The following EP400 variants were observed in gnomAD, a reference collection of about 807,000 sequenced individuals.
EP400 encodes E1A binding protein p400.
EP400 carries 105 observed loss-of-function variants against 354.1 expected under a neutral mutation model. The observed-to-expected ratio is 0.30, with a 90% CI of 0.25 to 0.35. The LOEUF (loss-of-function observed/expected upper bound fraction) is 0.35, where lower values mean the gene tolerates loss of function less well. EP400 is among the 10% of genes least tolerant of loss of function. EP400 has a pLI of 1.00. For synonymous variants in EP400, 1,646 were observed against 1,716.9 expected (o/e 0.96, Z 1.02); for missense variants, 3,280 against 4,121.0 (o/e 0.80, Z 5.59).
At chr12:132,011,468 A>T in intron 15 of EP400, 30 bp from the exon 16 acceptor site, 1 of 1,611,432 alleles carries the variant, frequency 6.2e-7, no homozygotes, top group Non-Finnish European at 8.5e-7. Context: ...AGATACTTTG[A>T]CGTGGAAAAT....
At chr12:132,021,343 G>C (rs2136542964) in intron 23 of EP400, 22 bp downstream of exon 23, 1 of 1,494,310 alleles carries the variant, frequency 6.7e-7, no homozygotes, top group East Asian at 2.5e-5. Flanking sequence ...CACCTTTCCA[G>C]GTTTCTGCCA....
At position 132,052,360 on chromosome 12, in the gene EP400, C is replaced by T. The variant is rs906481563; in HGVS notation, c.7395-786C>T. 6.6e-5 allele frequency among the ~76,000 whole-genome samples: 10 copies of T among 152,178 alleles called. No individual in the cohort carries two copies. The highest frequency in any genetic ancestry group is 1.4e-4 in the African/African-American group (6 of 41,444). ...AAGGAGTTGGCTCAGGGCCCATCTCCGCAAACCCCCAGGACTCCCTACTGC... is the reference window on the plus strand; with the variant it reads ...AAGGAGTTGGCTCAGGGCCCATCTCTGCAAACCCCCAGGACTCCCTACTGC... On this transcript the variant is annotated intron_variant, in intron 41 of 52. Transcript: ENST00000389561. This position sits in a 1 kb window ranked among gnomAD's most constrained non-coding sequence, Gnocchi z 4.4.
At chr12:132,076,412 C>A in intron 51 of EP400, 104 bp from the exon 52 acceptor site, 2 of 1,114,968 alleles carry the variant, frequency 1.8e-6, no homozygotes, top group Non-Finnish European at 2.7e-6. Flanking sequence ...GTCACCTGGT[C>A]ATTGTGTTTT....
chr12:131,996,390 T>C (rs111567635), intron 12 of EP400, among the ~76,000 whole-genome samples: 22,744 of 150,700 alleles, frequency 0.15, 2,491 homozygotes, highest in African/African-American at 0.31. Context: ...CTCCTGGGTT[T>C]ACGCCATTCT....
chr12:132,022,248 A>G (rs1369134489), intron 23 of EP400, among the ~76,000 whole-genome samples: 3 of 152,250 alleles, frequency 2.0e-5, no homozygotes, highest in Non-Finnish European at 4.4e-5. Context: ...TGGTTGCCAG[A>G]GGAGCTGTTC....
In EP400 at chr12:131,990,778, G is replaced by A; in HGVS notation, c.2629+64G>A. 8.0e-7 allele frequency: 1 copy of A among 1,257,476 alleles called. No homozygotes were observed. Among genetic ancestry groups the A allele is most frequent in the Non-Finnish European group, 1.1e-6 (1 of 876,016 alleles). The allele number at this position is 1,257,476 out of a possible 1,614,324, so 77.9% of individuals were successfully genotyped here. On this transcript the variant is annotated intron_variant, in intron 9 of 52. Coordinates refer to ENST00000389561, the MANE Select transcript of EP400 (RefSeq NM_015409.5). This position sits in a 1 kb window ranked among gnomAD's most constrained non-coding sequence, Gnocchi z 4.2. ...GTATTTTGTTCGGATTCTTTTCTCAGCAGGCAGTCTCCTGGCGCTGTGGCT... is the reference window on the plus strand; with the variant it reads ...GTATTTTGTTCGGATTCTTTTCTCAACAGGCAGTCTCCTGGCGCTGTGGCT...
intron 7 of EP400, among the ~76,000 whole-genome samples, 185 bp downstream of exon 7, chr12:131,988,075 C>T (rs1018495276): frequency 6.7e-6 from 1 of 148,630 alleles, no homozygotes; most frequent in East Asian, 2.0e-4. Flanking sequence ...TTTTTTGCCA[C>T]ATTACCCAGA....
At chr12:131,957,319 A>T (rs1341384945) in intron 1 of EP400, among the ~76,000 whole-genome samples, 1 of 151,798 alleles carries the variant, frequency 6.6e-6, no homozygotes, top group Non-Finnish European at 1.5e-5. Flanking sequence ...GATTTTGATG[A>T]TTTACTTTTT....
At chr12:131,967,138 G>C (rs1049144463) in intron 2 of EP400, among the ~76,000 whole-genome samples, 4 of 151,686 alleles carry the variant, frequency 2.6e-5, no homozygotes, top group Non-Finnish European at 5.9e-5. Context: ...CCAGCACTTT[G>C]GGAGGCCGAA....
chr12:132,037,851 G>C, intron 31 of EP400, 58 bp downstream of exon 31: 1 of 1,611,752 alleles, frequency 6.2e-7, no homozygotes, highest in Non-Finnish European at 8.5e-7. Flanking sequence ...GCGTGGAATC[G>C]CATGGTGTTA....
chr12:132,037,907 A>C, intron 31 of EP400, 46 bp from the exon 32 acceptor site: 1 of 1,613,214 alleles, frequency 6.2e-7, no homozygotes. Flanking sequence ...GGTCAGATGC[A>C]CACTTGGACC....
chr12:132,018,295 T>G lies in EP400; in HGVS notation c.4196T>G (p.Ile1399Arg). The G allele has an allele frequency of 5.0e-6, 8 of 1,613,694 alleles. No homozygotes were observed. The highest frequency in any genetic ancestry group is 6.8e-6 in the Non-Finnish European group (8 of 1,179,914). The change falls in exon 21 of 53, where the codon ATA becomes AGA. Residue 1399 changes from isoleucine to arginine, a missense_variant. Ile to Arg is a moderately conservative substitution (Grantham distance 97). Around this residue, in one of 20 missense-constraint regions of EP400, gnomAD observed 342 missense variants for 342.7 expected, o/e 1.00. Transcript: ENST00000389561. This position sits in a 1 kb window ranked among gnomAD's most constrained non-coding sequence, Gnocchi z 4.0. ...GCAGAGTTGCTGTCTAAGAAAAAGATACCGCGGAAACTCATGGAGGAAATC... is the reference window on the plus strand; with the variant it reads ...GCAGAGTTGCTGTCTAAGAAAAAGAGACCGCGGAAACTCATGGAGGAAATC... ...HEAELLSKKKIPRKLMEEIST... is the reference protein window; with the variant it reads ...HEAELLSKKKRPRKLMEEIST...
At position 132,055,280 on chromosome 12, in the gene EP400, C is replaced by T. The variant is rs117863638; in HGVS notation, c.7884+72C>T. ...GAAATTATTTGCTTGTCTGTTAATT[C>T]TTCTTCTTCTTTTTAAGTATTCCAT... On this transcript the variant is annotated intron_variant, in intron 45 of 52. Transcript: ENST00000389561. 11,501 of 1,221,818 alleles carry T rather than the reference C, an allele frequency of 9.4e-3. 326 individuals are homozygous for T. Among genetic ancestry groups the T allele is most frequent in the South Asian group, 0.081 (5,430 of 66,844 alleles). The allele number at this position is 1,221,818 out of a possible 1,614,324, so 75.7% of individuals were successfully genotyped here. A position where few individuals can be genotyped will look rare whatever the true frequency, so the allele number is the denominator to read the frequency against.
intron 27 of EP400, among the ~76,000 whole-genome samples, chr12:132,028,703 A>T (rs561165562): frequency 6.6e-6 from 1 of 152,358 alleles, no homozygotes. Context: ...TGGAGAGCAA[A>T]TCTGAGCACC....
chr12:132,031,864 A>G, intron 29 of EP400, 89 bp from the exon 30 acceptor site: 4 of 1,399,414 alleles, frequency 2.9e-6, no homozygotes, highest in South Asian at 1.3e-5. Context: ...CTGCTGTGGG[A>G]TTATTTCTAA....
chr12:131,981,619 G>T (rs776276356), intron 4 of EP400, 23 bp downstream of exon 4: 5 of 1,572,248 alleles, frequency 3.2e-6, no homozygotes, highest in Middle Eastern at 1.8e-4. Context: ...AGCAGAGCCA[G>T]CTCCCCGCTC....
intron 51 of EP400, among the ~76,000 whole-genome samples, chr12:132,073,244 T>A (rs1896116976): frequency 1.3e-5 from 2 of 150,084 alleles, no homozygotes; most frequent in African/African-American, 5.0e-5. Flanking sequence ...TTTTTTTTTT[T>A]TATCAATTCT....
At chr12:132,011,702 T>G (rs1893772424) in intron 16 of EP400, 68 bp downstream of exon 16, 5 of 1,511,888 alleles carry the variant, frequency 3.3e-6, no homozygotes, top group Admixed American at 2.2e-5. Flanking sequence ...AAAGACACAT[T>G]AAAAAATGTG....
chr12:132,032,874 C>T (rs1260121281), intron 30 of EP400, among the ~76,000 whole-genome samples: 1 of 152,150 alleles, frequency 6.6e-6, no homozygotes, highest in Admixed American at 6.5e-5. Context: ...CGTGATCCGC[C>T]CGCCGTGGCC....
Sources: gnomAD v4.1 joint callset for allele counts (sites outside exome capture counted in the v4.1 genomes callset) on GRCh38, gnomAD v4.1.1 for gene constraint, gnomAD v4.1.1 regional missense constraint, Gnocchi (gnomAD v3.1) non-coding constraint, MANE v1.5 for transcripts, NCBI Gene and HGNC (gene_info 2026-07-23, HGNC 2026-07-21) for gene names.